The following OVOL3 variants were observed in gnomAD, a reference collection of about 807,000 sequenced individuals.
OVOL3 encodes the protein putative transcription factor ovo-like protein 3.
OVOL3 carries 15 observed loss-of-function variants against 13.6 expected under a neutral mutation model. That is an observed-to-expected ratio of 1.11 (90% confidence interval 0.74 to 1.70). The LOEUF is 1.70. Ranked by LOEUF, OVOL3 falls within the 40% of genes most tolerant of loss-of-function variation. OVOL3 has a pLI of 0.00. For missense variants in OVOL3, 290 were observed against 280.6 expected, an observed-to-expected ratio of 1.03 and a Z score of -0.24; for synonymous variants, 102 against 108.5, an observed-to-expected ratio of 0.94 and a Z score of 0.37.
At chr19:36,112,584 T>A (rs997256304) in intron 2 of OVOL3, among the ~76,000 whole-genome samples, 176 bp from the exon 3 acceptor site, 1 of 151,932 alleles carries the variant, frequency 6.6e-6, no homozygotes. Flanking sequence ...GTAAGGACCA[T>A]GGGATAGTGA....
rs1378867434 is a variant in OVOL3 at position 36,111,166 on chromosome 19, G to C, written c.-37G>C. The C allele has an allele frequency of 1.3e-6, 2 of 1,489,154 alleles. No individual in the cohort carries two copies. Among genetic ancestry groups the C allele is most frequent in the East Asian group, 2.5e-5 (1 of 40,218 alleles). 92.2% of individuals were successfully genotyped at this position (1,489,154 alleles called of 1,614,324 possible). ...TGGGGCTGAGGTCTGACAGCAGGTG[G>C]AAGCAGCCCCTGTGTGTGGAGAGCC... is the stretch of plus-strand genomic sequence containing the variant. On this transcript the variant is annotated 5_prime_UTR_variant, in exon 1 of 4. Coordinates refer to ENST00000633214, the MANE Select transcript of OVOL3 (RefSeq NM_001302757.2).
intron 3 of OVOL3, among the ~76,000 whole-genome samples, chr19:36,113,239 G>C (rs1372962335): frequency 6.6e-6 from 1 of 152,204 alleles, no homozygotes; most frequent in South Asian, 2.1e-4. Context: ...CCCCAGGGGA[G>C]GGAGCATCCT....
intron 3 of OVOL3, 54 bp downstream of exon 3, chr19:36,113,018 G>A (rs1193840552): frequency 2.7e-6 from 4 of 1,495,778 alleles, no homozygotes; most frequent in Non-Finnish European, 1.8e-6. Flanking sequence ...GGGGATGGAA[G>A]GAAATGGAGA....
rs1196908971 is a variant in OVOL3, at chr19:36,113,510, T to C, written c.422T>C (p.Leu141Pro). The C allele has an allele frequency of 2.0e-6, 3 of 1,536,162 alleles. No homozygotes were observed. Among genetic ancestry groups the C allele is most frequent in the Non-Finnish European group, 2.6e-6 (3 of 1,146,898 alleles). ...CGKAFTQRCS[L>P]EAHLAKVHGQ... The stretch of plus-strand genomic sequence containing the variant: ...AAAGCGTTTACGCAGCGCTGCTCCC[T>C]GGAAGCTCACCTTGCTAAGGTGCAT... Residue 141 changes from leucine to proline, a missense_variant, in exon 4 of 4, where the codon CTG becomes CCG. By Grantham distance (98) the Leu-to-Pro change is moderately conservative. Coordinates refer to ENST00000633214, the MANE Select transcript of OVOL3 (RefSeq NM_001302757.2).
chr19:36,113,005 G>C lies in OVOL3; in HGVS notation c.364+41G>C, dbSNP rs753525918. ...GACAGGGAAAAGTTGCTGGGCCCCA[G>C]GTGGGGATGGAAGGAAATGGAGAGA... On this transcript the variant is annotated intron_variant, in intron 3 of 3. Coordinates refer to ENST00000633214, the MANE Select transcript of OVOL3 (RefSeq NM_001302757.2). The C allele has an allele frequency of 5.3e-6, 8 of 1,520,682 alleles. No homozygotes were observed. The South Asian group carries it at 9.6e-5, about 18-fold the overall frequency. The allele number at this position is 1,520,682 out of a possible 1,614,324, so 94.2% of individuals were successfully genotyped here. A position where few individuals can be genotyped will look rare whatever the true frequency, so the allele number is the denominator to read the frequency against.
chr19:36,111,382 G>C lies in OVOL3; in HGVS notation c.108G>C (p.Leu36=), dbSNP rs1460478171. ...TTTTCTCCTCAGACTGCAGCAGCCT[G>C]GGGGGGCCACCGGCACAACAGTCGT... ...GDAYIPDCSS[L]GGPPAQQSSS... The change falls in exon 2 of 4, where the codon CTG becomes CTC. Residue 36 remains leucine (L), a synonymous_variant. Transcript: ENST00000633214. 2 of 1,535,036 alleles carry C rather than the reference G, an allele frequency of 1.3e-6. No homozygotes were observed. The highest frequency in any genetic ancestry group is 1.7e-6 in the Non-Finnish European group (2 of 1,146,280).
At chr19:36,111,645 G>A in intron 2 of OVOL3, 1 of 689,558 alleles carries the variant, frequency 1.5e-6, no homozygotes, top group South Asian at 1.5e-5. Context: ...ACCAGGGCCG[G>A]CAGCCACAGG....
Position 36,111,191 on chromosome 19 carries a change from C to T in OVOL3, c.-12C>T, listed in dbSNP as rs1343816491. 1 of 1,528,480 alleles carries T rather than the reference C, an allele frequency of 6.5e-7. No homozygotes were observed. The highest frequency in any genetic ancestry group is 1.2e-5 in the South Asian group (1 of 83,512). The allele number at this position is 1,528,480 out of a possible 1,614,324, so 94.7% of individuals were successfully genotyped here. Reference sequence around the variant, plus strand: ...GAAGCAGCCCCTGTGTGTGGAGAGCCTTCCGGAGGGCATGCCCCGCGCCTT... The same window carrying T: ...GAAGCAGCCCCTGTGTGTGGAGAGCTTTCCGGAGGGCATGCCCCGCGCCTT... On this transcript the variant is annotated 5_prime_UTR_variant, in exon 1 of 4. Coordinates refer to ENST00000633214, the MANE Select transcript of OVOL3 (RefSeq NM_001302757.2).
rs983867036 is a variant in OVOL3 at position 36,113,439 on chromosome 19, G to A, written c.365-14G>A. On this transcript the variant is annotated splice_polypyrimidine_tract_variant and intron_variant, in intron 3 of 3. Coordinates refer to ENST00000633214, the MANE Select transcript of OVOL3 (RefSeq NM_001302757.2). ...CTCTCTGTCCAGCCCTCCCCTCTGC[G>A]CCCATCTGTGCAGGGATCCGGCCCT... The A allele has an allele frequency of 1.2e-5, 19 of 1,529,418 alleles. No homozygotes were observed. The highest frequency in any genetic ancestry group is 3.6e-5 in the South Asian group (3 of 83,976). The allele number at this position is 1,529,418 out of a possible 1,614,324, so 94.7% of individuals were successfully genotyped here.
Position 36,113,708 on chromosome 19 carries a change from C to G in OVOL3, c.*47C>G, listed in dbSNP as rs541679670. Reference sequence around the variant, plus strand: ...CCACGAGGCAAATAAACACAGAAAACTCACGCATGGAATCTGGTGTTTATT... The same window carrying G: ...CCACGAGGCAAATAAACACAGAAAAGTCACGCATGGAATCTGGTGTTTATT... On this transcript the variant is annotated 3_prime_UTR_variant, in exon 4 of 4. Transcript: ENST00000633214. The G allele has an allele frequency of 6.3e-7, 1 of 1,594,802 alleles. No individual in the cohort carries two copies. The highest frequency in any genetic ancestry group is 1.3e-5 in the African/African-American group (1 of 74,544).
chr19:36,113,531 T>C lies in OVOL3; in HGVS notation c.443T>C (p.Val148Ala), dbSNP rs1325025237. ...RCSLEAHLAK[V>A]HGQPASYAYR... is the part of the protein sequence containing the mutation. The stretch of plus-strand genomic sequence containing the variant: ...TCCCTGGAAGCTCACCTTGCTAAGG[T>C]GCATGGACAGCCGGCCAGCTACGCT... Residue 148 changes from valine to alanine, a missense_variant, in exon 4 of 4, where the codon GTG becomes GCG. Val to Ala is a moderately conservative substitution (Grantham distance 64). Coordinates refer to ENST00000633214, the MANE Select transcript of OVOL3 (RefSeq NM_001302757.2). 3 of 1,536,218 alleles carry C rather than the reference T, an allele frequency of 2.0e-6. No individual in the cohort carries two copies. The highest frequency in any genetic ancestry group is 2.6e-6 in the Non-Finnish European group (3 of 1,146,888).
intron 2 of OVOL3, 126 bp from the exon 3 acceptor site, chr19:36,112,634 C>G: frequency 1.2e-6 from 1 of 815,434 alleles, no homozygotes; most frequent in Non-Finnish European, 1.9e-6. Flanking sequence ...ACACTAATCA[C>G]TGTCTCCCAC....
chr19:36,113,166 C>T (rs1035642796), intron 3 of OVOL3, among the ~76,000 whole-genome samples: 1 of 152,108 alleles, frequency 6.6e-6, no homozygotes, highest in Non-Finnish European at 1.5e-5. Flanking sequence ...AGAGTGCAGA[C>T]GGATGCCGGT....
chr19:36,113,111 G>A (rs1973864496), intron 3 of OVOL3, 147 bp downstream of exon 3: 1 of 947,160 alleles, frequency 1.1e-6, no homozygotes, highest in African/African-American at 1.6e-5. Flanking sequence ...GACCCCAGTG[G>A]GTGGGTGTAA....
rs1306604166 is a variant in OVOL3, at chr19:36,112,740, T to C, written c.160-20T>C. 4 of 1,525,066 alleles carry C rather than the reference T, an allele frequency of 2.6e-6. No homozygotes were observed. The South Asian group carries it at 3.6e-5, about 14-fold the overall frequency. The allele number at this position is 1,525,066 out of a possible 1,614,324, so 94.5% of individuals were successfully genotyped here. ...GATGGGGTCCAGCCAGAGAGGCTAA[T>C]AACTCCTGCATCCCTCCAGCAGCCC... On this transcript the variant is annotated intron_variant, in intron 2 of 3. Transcript: ENST00000633214.
In OVOL3 at chr19:36,111,188, AGCCTTCCGGAGGGCATGCCCCGC is replaced by A; in HGVS notation, c.-7_16del. ...GTGGAAGCAGCCCCTGTGTGTGGAG[AGCCTTCCGGAGGGCATGCCCCGC>A]GCCTTCCTGGTCAGGAGTCGGCGTC... On this transcript the variant is annotated start_lost and 5_prime_UTR_variant, in exon 1 of 4. Coordinates refer to ENST00000633214, the MANE Select transcript of OVOL3 (RefSeq NM_001302757.2). 1 of 1,524,470 alleles carries A rather than the reference AGCCTTCCGGAGGGCATGCCCCGC, an allele frequency of 6.6e-7. No homozygotes were observed. Among genetic ancestry groups the A allele is most frequent in the Non-Finnish European group, 8.8e-7 (1 of 1,139,736 alleles). 94.4% of individuals were successfully genotyped at this position (1,524,470 alleles called of 1,614,324 possible).
At position 36,112,869 on chromosome 19, in the gene OVOL3, A is replaced by G. The variant is rs1973857244; in HGVS notation, c.269A>G (p.Lys90Arg). 6 of 1,535,964 alleles carry G rather than the reference A, an allele frequency of 3.9e-6. No individual in the cohort carries two copies. Among genetic ancestry groups the G allele is most frequent in the Non-Finnish European group, 4.4e-6 (5 of 1,146,916 alleles). Residue 90 changes from lysine to arginine, a missense_variant, in exon 3 of 4, where the codon AAG (lysine) becomes AGG (arginine). Lys to Arg is a conservative substitution (Grantham distance 26, BLOSUM62 2). Transcript: ENST00000633214. ...PLQRMLTRHL[K>R]CHSPVRRHLC... ...CAGCGCATGCTGACAAGGCACCTCA[A>G]GTGCCACAGCCCCGTGCGCCGCCAC...
chr19:36,111,450 C>T lies in OVOL3; in HGVS notation c.159+17C>T, dbSNP rs2145899722. ...TGGACAGCGGTGAGTGTGTAACTGG[C>T]TAGCAAAGCCAGCTGTTTCGCTCCT... On this transcript the variant is annotated intron_variant, in intron 2 of 3. Coordinates refer to ENST00000633214, the MANE Select transcript of OVOL3 (RefSeq NM_001302757.2). 1 of 1,535,112 alleles carries T rather than the reference C, an allele frequency of 6.5e-7. No individual in the cohort carries two copies. Among genetic ancestry groups the T allele is most frequent in the African/African-American group, 1.4e-5 (1 of 73,144 alleles).
chr19:36,111,527 C>A (rs1197530630), intron 2 of OVOL3, 94 bp downstream of exon 2: 5 of 1,270,286 alleles, frequency 3.9e-6, no homozygotes, highest in South Asian at 3.8e-5. Context: ...CCCGACCCAT[C>A]TGCACACGCC....
Sources: allele counts gnomAD v4.1 joint callset (sites outside exome capture counted in the v4.1 genomes callset), GRCh38; gene constraint gnomAD v4.1.1; transcripts MANE v1.5; gene names NCBI Gene and HGNC (gene_info 2026-07-23, HGNC 2026-07-21).